The following CTNNBL1 variants were observed in gnomAD, a reference collection of about 807,000 sequenced individuals.
The protein encoded by CTNNBL1 is beta-catenin-like protein 1.
Under a neutral mutation model 72.7 loss-of-function variants are expected in CTNNBL1, and 31 were observed. The observed-to-expected ratio is 0.43, with a 90% confidence interval of 0.32 to 0.58. CTNNBL1 has a LOEUF of 0.58. Among genes scored for constraint, CTNNBL1 ranks in the 20% least tolerant of loss-of-function variants. The probability of loss-of-function intolerance (pLI) is 0.08; values close to 1 mark genes in which losing one functional copy is unlikely to be tolerated. For synonymous variants in CTNNBL1, 240 were observed against 267.3 expected (o/e 0.90, Z 1.00); for missense variants, 534 against 725.1 (o/e 0.74, Z 3.03).
At chr20:37,853,279 C>T (rs2072412240) in intron 13 of CTNNBL1, among the ~76,000 whole-genome samples, 1 of 152,192 alleles carries the variant, frequency 6.6e-6, no homozygotes, top group African/African-American at 2.4e-5. Context: ...AGAAACAAGT[C>T]CACTTATATA....
At chr20:37,851,578 G>A (rs778963852) in intron 13 of CTNNBL1, among the ~76,000 whole-genome samples, 1 of 152,144 alleles carries the variant, frequency 6.6e-6, no homozygotes, top group East Asian at 1.9e-4. Context: ...AACTATGAAA[G>A]TGAACACAGC....
At chr20:37,747,729 C>T (rs753146022) in intron 4 of CTNNBL1, among the ~76,000 whole-genome samples, 1 of 152,110 alleles carries the variant, frequency 6.6e-6, no homozygotes, top group African/African-American at 2.4e-5. Flanking sequence ...TGCATACCAC[C>T]ATGCCTAGCT....
At chr20:37,830,648 G>T (rs1196783426) in intron 11 of CTNNBL1, among the ~76,000 whole-genome samples, 1 of 152,018 alleles carries the variant, frequency 6.6e-6, no homozygotes, top group Admixed American at 6.6e-5. Flanking sequence ...GTACCATGGG[G>T]TTATGTCCCA....
chr20:37,733,190 T>G, intron 2 of CTNNBL1, 123 bp downstream of exon 2: 1 of 806,412 alleles, frequency 1.2e-6, no homozygotes, highest in Non-Finnish European at 1.9e-6. Context: ...AGAATTCATA[T>G]TTCATCGCGT....
intron 13 of CTNNBL1, among the ~76,000 whole-genome samples, chr20:37,858,622 A>G (rs1252401876): frequency 6.6e-6 from 1 of 152,254 alleles, no homozygotes; most frequent in East Asian, 1.9e-4. Flanking sequence ...AAAGATGTTA[A>G]AAATTGATTG....
At position 37,866,976 on chromosome 20, in the gene CTNNBL1, G is replaced by A. The variant is rs1449336722; in HGVS notation, c.1604-4949G>A. Reference sequence around the variant, plus strand: ...GTTGTCAGTGGGTGCTTTTCCAACTGTGTAAAACATCCATGGGACTCTGAG... The same window carrying A: ...GTTGTCAGTGGGTGCTTTTCCAACTATGTAAAACATCCATGGGACTCTGAG... On this transcript the variant is annotated intron_variant, in intron 15 of 15. Transcript: ENST00000361383. Among the ~76,000 whole-genome samples the A allele has an allele frequency of 3.9e-5, 6 of 152,182 alleles. No individual in the cohort carries two copies. The South Asian group carries it at 8.3e-4, about 21-fold the overall frequency.
chr20:37,776,270 G>A (rs992904758), intron 7 of CTNNBL1, among the ~76,000 whole-genome samples: 1 of 152,158 alleles, frequency 6.6e-6, no homozygotes, highest in Non-Finnish European at 1.5e-5. Context: ...GCTGCACTTA[G>A]CTTGATGAGG....
chr20:37,728,087 G>A (rs1210393958), intron 1 of CTNNBL1, among the ~76,000 whole-genome samples: 1 of 152,134 alleles, frequency 6.6e-6, no homozygotes, highest in East Asian at 1.9e-4. Flanking sequence ...GCTTGTATCA[G>A]GGAGCTGGAA....
At chr20:37,863,215 T>C (rs912405718) in intron 15 of CTNNBL1, among the ~76,000 whole-genome samples, 2 of 151,832 alleles carry the variant, frequency 1.3e-5, no homozygotes, top group African/African-American at 4.8e-5. Flanking sequence ...CCTCATGGAG[T>C]TTACAGCCTT....
At position 37,802,889 on chromosome 20, in the gene CTNNBL1, A is replaced by G. The variant is rs770993198; in HGVS notation, c.1054A>G (p.Ser352Gly). 9.9e-6 allele frequency: 16 copies of G among 1,613,754 alleles called. No individual in the cohort carries two copies. Among genetic ancestry groups the G allele is most frequent in the African/African-American group, 1.3e-5 (1 of 74,888 alleles). Reference sequence around the variant, plus strand: ...CAGGGAAAAGAAGATCTCCCGGAGCAGTGCCCTGAAAGTGCTGGACCATGC... The same window carrying G: ...CAGGGAAAAGAAGATCTCCCGGAGCGGTGCCCTGAAAGTGCTGGACCATGC... The part of the protein sequence containing the change: ...MLREKKISRS[S>G]ALKVLDHAMI... The change falls in exon 11 of 16, where the codon AGT (serine) becomes GGT (glycine). Residue 352 changes from serine to glycine, a missense_variant. Physicochemically the swap from Ser to Gly is moderately conservative, Grantham distance 56. Coordinates refer to ENST00000361383, the MANE Select transcript of CTNNBL1 (RefSeq NM_030877.5).
intron 11 of CTNNBL1, among the ~76,000 whole-genome samples, chr20:37,805,840 C>T (rs899685855): frequency 6.6e-6 from 1 of 152,190 alleles, no homozygotes; most frequent in Non-Finnish European, 1.5e-5. Context: ...GCCTTGTCCC[C>T]TCTAGATCCC....
chr20:37,779,406 C>T (rs2073606324), intron 10 of CTNNBL1, 71 bp downstream of exon 10: 1 of 1,533,266 alleles, frequency 6.5e-7, no homozygotes, highest in African/African-American at 1.4e-5. Flanking sequence ...AATTCAAGAG[C>T]ATGTAGCTAT....
chr20:37,765,874 C>G (rs907876995), intron 6 of CTNNBL1, among the ~76,000 whole-genome samples: 3 of 152,128 alleles, frequency 2.0e-5, no homozygotes, highest in Admixed American at 6.5e-5. Context: ...CCTTGAATCT[C>G]CCCAGTCTTT....
chr20:37,804,075 C>CTG (rs2071930791), intron 11 of CTNNBL1, among the ~76,000 whole-genome samples: 1 of 152,166 alleles, frequency 6.6e-6, no homozygotes. Context: ...CAAATCAACT[C>CTG]TCCAGAGACA....
intron 11 of CTNNBL1, among the ~76,000 whole-genome samples, chr20:37,836,303 A>G (rs967334659): frequency 3.3e-5 from 5 of 152,214 alleles, no homozygotes; most frequent in African/African-American, 9.6e-5. Context: ...ACTCAGATCC[A>G]ATGCTGTCTC....
intron 10 of CTNNBL1, among the ~76,000 whole-genome samples, chr20:37,794,241 A>G (rs981917362): frequency 6.6e-6 from 1 of 151,812 alleles, no homozygotes; most frequent in Non-Finnish European, 1.5e-5. Flanking sequence ...TTCCTTTAAC[A>G]TCTCTGGTAA....
chr20:37,858,253 C>T (rs1471036042), intron 13 of CTNNBL1, among the ~76,000 whole-genome samples: 1 of 152,312 alleles, frequency 6.6e-6, no homozygotes, highest in African/African-American at 2.4e-5. Flanking sequence ...TCATTGGCTG[C>T]ATAGATGTGT....
intron 4 of CTNNBL1, chr20:37,751,448 C>G (rs2073319140): frequency 6.6e-6 from 1 of 152,162 alleles, no homozygotes; most frequent in Non-Finnish European, 1.5e-5. Context: ...TAACACTGTT[C>G]TTTTCCAAAT....
At chr20:37,775,180 C>T (rs1241078161) in intron 7 of CTNNBL1, among the ~76,000 whole-genome samples, 1 of 152,156 alleles carries the variant, frequency 6.6e-6, no homozygotes, top group African/African-American at 2.4e-5. Context: ...ATAATACACA[C>T]AAATTGAAAG....
Sources: allele counts gnomAD v4.1 joint callset (sites outside exome capture counted in the v4.1 genomes callset), GRCh38; gene constraint gnomAD v4.1.1; transcripts MANE v1.5; gene names NCBI Gene and HGNC (gene_info 2026-07-23, HGNC 2026-07-21).